The following LDHAL6A variants were observed in gnomAD, a reference collection of about 807,000 sequenced individuals.
LDHAL6A encodes lactate dehydrogenase A like 6A.
A neutral mutation model predicts 28.2 loss-of-function variants in LDHAL6A; 19 were observed. The observed-to-expected ratio is 0.67, with a 90% CI of 0.47 to 0.99. The LOEUF is 0.99. Among genes scored for constraint, LDHAL6A ranks in the 50% least tolerant of loss-of-function variants. The pLI, the probability that LDHAL6A is intolerant of heterozygous loss-of-function variation, is 0.00. For missense variants in LDHAL6A, 372 were observed against 398.6 expected (o/e 0.93, Z 0.57); for synonymous variants, 144 against 134.4 (o/e 1.07, Z -0.49).
At chr11:18,473,676 G>C (rs1460944709) in intron 3 of LDHAL6A, among the ~76,000 whole-genome samples, 1 of 152,082 alleles carries the variant, frequency 6.6e-6, no homozygotes, top group African/African-American at 2.4e-5. Context: ...TGGGATTACA[G>C]GTGTGAGCCA....
chr11:18,459,266 A>G (rs1353669959), intron 1 of LDHAL6A, among the ~76,000 whole-genome samples: 2 of 152,196 alleles, frequency 1.3e-5, no homozygotes, highest in African/African-American at 4.8e-5. Context: ...AGGAACGTGG[A>G]AGGACTAGAC....
chr11:18,470,350 C>T (rs190457720), intron 3 of LDHAL6A, among the ~76,000 whole-genome samples: 1 of 152,270 alleles, frequency 6.6e-6, no homozygotes, highest in African/African-American at 2.4e-5. Flanking sequence ...ATGCAGCTCC[C>T]GTGTCTCCAC....
At chr11:18,471,496 C>T (rs554060900) in intron 3 of LDHAL6A, among the ~76,000 whole-genome samples, 10 of 151,892 alleles carry the variant, frequency 6.6e-5, no homozygotes, top group Non-Finnish European at 1.3e-4. Context: ...AGACGTGAAC[C>T]GCCACGCCTG....
intron 2 of LDHAL6A, among the ~76,000 whole-genome samples, chr11:18,464,987 G>T (rs7947914): frequency 0.28 from 26,579 of 96,288 alleles, 4,141 homozygotes; most frequent in African/African-American, 0.39. Flanking sequence ...GTTTTTTTTT[G>T]TTTTGTTTTG....
chr11:18,467,878 CACAT>C lies in LDHAL6A; in HGVS notation c.418+2070_418+2073del, dbSNP rs1368964696. Among the ~76,000 whole-genome samples the C allele has an allele frequency of 9.6e-3, 349 of 36,256 alleles. 18 individuals carry two copies. Among genetic ancestry groups the C allele is most frequent in the African/African-American group, 0.029 (239 of 8,252 alleles). 23.8% of individuals were successfully genotyped at this position (36,256 alleles called of 152,430 possible). A position where few individuals can be genotyped will look rare whatever the true frequency, so the allele number is the denominator to read the frequency against. Reference sequence around the variant, plus strand: ...CTCAAAAAAAATATATATATATACACACATATATATATATATATATATATATATA... The same window carrying C: ...CTCAAAAAAAATATATATATATACACATATATATATATATATATATATATA... On this transcript the variant is annotated intron_variant, in intron 3 of 6. Coordinates refer to ENST00000280706, the MANE Select transcript of LDHAL6A (RefSeq NM_144972.5).
At chr11:18,467,932 T>TAG in intron 3 of LDHAL6A, among the ~76,000 whole-genome samples, 1 of 77,986 alleles carries the variant, frequency 1.3e-5, no homozygotes, top group Admixed American at 1.5e-4. Context: ...CACACATATA[T>TAG]ATATACACAC....
intron 6 of LDHAL6A, 63 bp from the exon 7 acceptor site, chr11:18,478,643 T>G (rs1013369342): frequency 7.8e-7 from 1 of 1,288,606 alleles, no homozygotes; most frequent in African/African-American, 1.5e-5. Context: ...ACCTCCCAAC[T>G]GTTGTTTCTC....
In LDHAL6A at chr11:18,456,435, T is replaced by C. The variant is rs944733595; in HGVS notation, c.-246T>C. ...TCTCTCTCTCTTAATTCCTCTTAACTGTACTCACGCTTCCTTCTCCTTCCC... is the reference window on the plus strand; with the variant it reads ...TCTCTCTCTCTTAATTCCTCTTAACCGTACTCACGCTTCCTTCTCCTTCCC... On this transcript the variant is annotated 5_prime_UTR_variant, in exon 1 of 7. Transcript: ENST00000280706. The C allele has an allele frequency of 2.4e-5, 11 of 466,016 alleles. No individual in the cohort carries two copies. The East Asian group carries it at 4.8e-4, about 20-fold the overall frequency. 28.9% of individuals were successfully genotyped at this position (466,016 alleles called of 1,614,324 possible). A position where few individuals can be genotyped will look rare whatever the true frequency, so the allele number is the denominator to read the frequency against.
At chr11:18,470,174 C>T (rs1182447626) in intron 3 of LDHAL6A, among the ~76,000 whole-genome samples, 2 of 152,212 alleles carry the variant, frequency 1.3e-5, no homozygotes, top group African/African-American at 2.4e-5. Context: ...ATCTGCCTGC[C>T]TTGGCCTCCC....
chr11:18,461,744 C>G (rs1343211193), intron 1 of LDHAL6A, among the ~76,000 whole-genome samples: 2 of 150,040 alleles, frequency 1.3e-5, no homozygotes, highest in African/African-American at 2.5e-5. Flanking sequence ...CCCAGCTACT[C>G]AGGAGGCTGA....
chr11:18,476,306 AAC>A (rs1849380635), intron 4 of LDHAL6A, 76 bp from the exon 5 acceptor site: 2 of 1,505,540 alleles, frequency 1.3e-6, no homozygotes, highest in East Asian at 2.3e-5. Context: ...GGGCAATTAT[AAC>A]AGTTTTGCTG....
chr11:18,474,888 G>A (rs974623123), intron 3 of LDHAL6A, among the ~76,000 whole-genome samples: 7 of 151,976 alleles, frequency 4.6e-5, no homozygotes, highest in African/African-American at 1.7e-4. Flanking sequence ...TCTATTTTAT[G>A]GTTAAAATAA....
chr11:18,460,642 AC>A (rs1848875013), intron 1 of LDHAL6A, among the ~76,000 whole-genome samples: 1 of 151,370 alleles, frequency 6.6e-6, no homozygotes, highest in East Asian at 1.9e-4. Context: ...TGCTAGTAGT[AC>A]TAGCTACTTG....
At chr11:18,457,259 G>A (rs1431003097) in intron 1 of LDHAL6A, among the ~76,000 whole-genome samples, 3 of 152,174 alleles carry the variant, frequency 2.0e-5, no homozygotes, top group African/African-American at 7.2e-5. Context: ...CCTTATTCAT[G>A]TTAGGTTAGT....
chr11:18,464,576 G>A (rs7947407), intron 2 of LDHAL6A, among the ~76,000 whole-genome samples: 15,079 of 152,060 alleles, frequency 0.099, 833 homozygotes, highest in Admixed American at 0.14. Context: ...TTAGCCGGGC[G>A]TGGTGGTGCA....
Position 18,456,723 on chromosome 11 carries a change from G to A in LDHAL6A, c.43G>A (p.Glu15Lys). 6.2e-7 allele frequency: 1 copy of A among 1,613,970 alleles called. No homozygotes were observed. The highest frequency in any genetic ancestry group is 8.5e-7 in the Non-Finnish European group (1 of 1,179,876). The change falls in exon 1 of 7, where the codon GAG (glutamate) becomes AAG (lysine). Residue 15 changes from glutamate (E) to lysine (K), a missense_variant. Transcript: ENST00000280706. ...KSELIKNFAE[E>K]EAIHHNKISI... ...TGAACTTATTAAGAATTTCGCGGAA[G>A]AGGAGGCCATTCATCACAATAAGAT...
Position 18,479,002 on chromosome 11 carries a change from C to A in LDHAL6A, c.*132C>A. 1 of 757,922 alleles carries A rather than the reference C, an allele frequency of 1.3e-6. No individual in the cohort carries two copies. The highest frequency in any genetic ancestry group is 2.1e-6 in the Non-Finnish European group (1 of 478,998). 46.9% of individuals were successfully genotyped at this position (757,922 alleles called of 1,614,324 possible). ...GGAAAGAGTGACCTATTTAGTATAG[C>A]CTTCCAGCTTTTTTTTTTTTCTTTT... On this transcript the variant is annotated 3_prime_UTR_variant, in exon 7 of 7. Transcript: ENST00000280706.
intron 3 of LDHAL6A, among the ~76,000 whole-genome samples, chr11:18,469,506 C>CCTG (rs1433180155): frequency 1.3e-5 from 2 of 152,150 alleles, no homozygotes; most frequent in Non-Finnish European, 2.9e-5. Flanking sequence ...CTAATAAGCA[C>CCTG]ATTCAGAGGA....
chr11:18,475,802 C>A (rs904113051), intron 4 of LDHAL6A, 163 bp downstream of exon 4: 2 of 517,038 alleles, frequency 3.9e-6, no homozygotes, highest in South Asian at 3.8e-5. Context: ...AAATAACCAA[C>A]AAAAAATACA....
Sources: gnomAD v4.1 joint callset for allele counts (sites outside exome capture counted in the v4.1 genomes callset) on GRCh38, gnomAD v4.1.1 for gene constraint, MANE v1.5 for transcripts, NCBI Gene and HGNC (gene_info 2026-07-23, HGNC 2026-07-21) for gene names.